The following RAP1GAP2 variants were observed in gnomAD, a reference collection of about 807,000 sequenced individuals.
RAP1GAP2 encodes rap1 GTPase-activating protein 2.
In RAP1GAP2, 27 loss-of-function variants were observed where a neutral mutation model predicts 95.0. The observed-to-expected ratio is 0.28, with a 90% CI of 0.21 to 0.39. The LOEUF (loss-of-function observed/expected upper bound fraction) is 0.39. RAP1GAP2 is among the 10% of genes least tolerant of loss of function. RAP1GAP2 has a pLI of 1.00. For missense variants in RAP1GAP2, 771 were observed against 970.0 expected (o/e 0.79, Z 2.72); for synonymous variants, 373 against 380.9 (o/e 0.98, Z 0.24).
At chr17:2,912,463 A>G (rs8072995) in intron 3 of RAP1GAP2, among the ~76,000 whole-genome samples, 106,430 of 151,992 alleles carry the variant, frequency 0.7, 37,250 homozygotes, top group African/African-American at 0.72. Context: ...TACATCCACC[A>G]GCTCTGGATG....
In RAP1GAP2 at chr17:3,036,942, T is replaced by G. The variant is rs1037172192; in HGVS notation, c.*3581T>G. ...TGGGGGTTCGAGTAGATCTCATGGG[T>G]ACAGGAGGCCAGCAGGGACCAGGCC... On this transcript the variant is annotated 3_prime_UTR_variant, in exon 25 of 25. Transcript: ENST00000254695. 1 of 152,660 alleles carries G rather than the reference T, an allele frequency of 6.6e-6. No homozygotes were observed. Among genetic ancestry groups the G allele is most frequent in the Non-Finnish European group, 1.5e-5 (1 of 68,212 alleles). The allele number at this position is 152,660 out of a possible 1,614,324, so 9.5% of individuals were successfully genotyped here.
intron 2 of RAP1GAP2, among the ~76,000 whole-genome samples, chr17:2,893,599 A>C (rs541087415): frequency 6.6e-6 from 1 of 152,322 alleles, no homozygotes; most frequent in East Asian, 1.9e-4. Flanking sequence ...ACGGGCTGGG[A>C]AAATGCTGAT....
At chr17:2,918,005 T>C (rs1423818437) in intron 3 of RAP1GAP2, among the ~76,000 whole-genome samples, 1 of 147,394 alleles carries the variant, frequency 6.8e-6, no homozygotes, top group African/African-American at 2.5e-5. Context: ...CATAAGCCAC[T>C]GCACCTGGCC....
chr17:2,786,108 C>T (rs1449741060), intron 1 of RAP1GAP2, among the ~76,000 whole-genome samples: 1 of 152,070 alleles, frequency 6.6e-6, no homozygotes, highest in Non-Finnish European at 1.5e-5. Flanking sequence ...ACCATGTTGG[C>T]CAGGCTGATC....
At chr17:2,853,904 G>C (rs1364649042) in intron 2 of RAP1GAP2, 1 of 979,038 alleles carries the variant, frequency 1.0e-6, no homozygotes, top group Non-Finnish European at 1.2e-6. Context: ...CCGGGGGCCG[G>C]GGCGCGGGCT....
At chr17:2,974,264 G>T (rs917282307) in intron 8 of RAP1GAP2, among the ~76,000 whole-genome samples, 2 of 151,920 alleles carry the variant, frequency 1.3e-5, no homozygotes, top group East Asian at 1.9e-4. Context: ...CAGGAGAATG[G>T]CGTGAACCCA....
At chr17:2,830,879 C>T (rs963975515) in intron 2 of RAP1GAP2, among the ~76,000 whole-genome samples, 10 of 151,208 alleles carry the variant, frequency 6.6e-5, no homozygotes, top group African/African-American at 1.9e-4. Flanking sequence ...CTTTGAGGTT[C>T]TTTCCAGTGC....
chr17:3,019,505 C>A (rs1048207098), intron 18 of RAP1GAP2, among the ~76,000 whole-genome samples: 28 of 152,134 alleles, frequency 1.8e-4, no homozygotes, highest in African/African-American at 6.8e-4. Flanking sequence ...CAGAGTGAGA[C>A]CCTGTCTCCA....
intron 1 of RAP1GAP2, among the ~76,000 whole-genome samples, chr17:2,782,599 C>T (rs2068685168): frequency 6.6e-6 from 1 of 152,186 alleles, no homozygotes; most frequent in African/African-American, 2.4e-5. Context: ...TCACCATAAT[C>T]ACTGGTACTA....
In RAP1GAP2 at chr17:2,923,362, C is replaced by T. The variant is rs12941618; in HGVS notation, c.165+17994C>T. On this transcript the variant is annotated intron_variant, in intron 3 of 24. Transcript: ENST00000254695. ...CTTTTTTTTTTTTGAGACAGAGTCT[C>T]GCTCTGTTGCCCAGGCTGGAATGCA... Among the ~76,000 whole-genome samples, 500 of 140,720 alleles carry T rather than the reference C, an allele frequency of 3.6e-3. 1 individual carries two copies. Among genetic ancestry groups the T allele is most frequent in the Non-Finnish European group, 6.0e-3 (394 of 65,160 alleles). The allele number at this position is 140,720 out of a possible 152,430, so 92.3% of individuals were successfully genotyped here.
chr17:2,856,439 A>G (rs2072140340), intron 2 of RAP1GAP2, among the ~76,000 whole-genome samples: 1 of 152,190 alleles, frequency 6.6e-6, no homozygotes, highest in Non-Finnish European at 1.5e-5. Context: ...CAGGACAGAA[A>G]GGTACAAAGT....
intron 2 of RAP1GAP2, among the ~76,000 whole-genome samples, chr17:2,839,321 A>T (rs146726539): frequency 2.0e-5 from 3 of 152,120 alleles, no homozygotes; most frequent in Non-Finnish European, 2.9e-5. Context: ...ATAATAAAAA[A>T]AAAAAGAATA....
At chr17:2,817,181 A>G (rs2070060794) in intron 2 of RAP1GAP2, among the ~76,000 whole-genome samples, 2 of 117,922 alleles carry the variant, frequency 1.7e-5, no homozygotes, top group African/African-American at 5.6e-5. Context: ...AGAGATAGAG[A>G]TAGGGTTTCG....
chr17:2,948,495 T>C (rs1255954913), intron 3 of RAP1GAP2, among the ~76,000 whole-genome samples: 82 of 150,718 alleles, frequency 5.4e-4, no homozygotes, highest in East Asian at 3.8e-3. Context: ...AAGCTGTGCC[T>C]GTGTGTAGAG....
chr17:2,775,659 G>A (rs1364747351), upstream of RAP1GAP2, among the ~76,000 whole-genome samples: 1 of 152,164 alleles, frequency 6.6e-6, no homozygotes, highest in Admixed American at 6.6e-5. Context: ...TTAAAGGAAC[G>A]GCTTTCTAGC....
rs1032261808 is a variant in RAP1GAP2, at chr17:3,004,787, T to G, written c.1201-582T>G. On this transcript the variant is annotated intron_variant, in intron 14 of 24. Transcript: ENST00000254695. This position sits in a 1 kb window ranked among gnomAD's most constrained non-coding sequence, Gnocchi z 4.1. The stretch of plus-strand genomic sequence containing the variant: ...GCCCTACCCTTCCGATTCGGCAGGT[T>G]TAGGCCAGAGCCCATGAACCCAGTC... Among the ~76,000 whole-genome samples the G allele has an allele frequency of 3.3e-5, 5 of 152,254 alleles. No homozygotes were observed. The highest frequency in any genetic ancestry group is 1.2e-4 in the African/African-American group (5 of 41,470).
At chr17:2,975,997 A>G (rs987326036) in intron 8 of RAP1GAP2, among the ~76,000 whole-genome samples, 1 of 152,054 alleles carries the variant, frequency 6.6e-6, no homozygotes, top group Non-Finnish European at 1.5e-5. Flanking sequence ...GTTTTTCATC[A>G]CCCTGATGTT....
chr17:2,969,181 A>ATCTGTCTATCTATCTATC (rs146508761), intron 8 of RAP1GAP2, among the ~76,000 whole-genome samples: 2 of 147,006 alleles, frequency 1.4e-5, no homozygotes, highest in Non-Finnish European at 3.0e-5. Flanking sequence ...CTATCTATCT[A>ATCTGTCTATCTATCTATC]TATATATATA....
intron 18 of RAP1GAP2, among the ~76,000 whole-genome samples, chr17:3,018,423 G>T (rs2046849725): frequency 6.6e-6 from 1 of 152,170 alleles, no homozygotes; most frequent in African/African-American, 2.4e-5. Context: ...GACCCAGATG[G>T]TGCTAGAAGC....
Sources: gnomAD v4.1 joint callset for allele counts (sites outside exome capture counted in the v4.1 genomes callset) on GRCh38, gnomAD v4.1.1 for gene constraint, Gnocchi (gnomAD v3.1) non-coding constraint, MANE v1.5 for transcripts, NCBI Gene and HGNC (gene_info 2026-07-23, HGNC 2026-07-21) for gene names.